GNA13: variants seen among roughly 807,000 people sequenced by gnomAD.
The protein encoded by GNA13 is G protein subunit alpha 13, also known as guanine nucleotide-binding protein subunit alpha-13.
Under a neutral mutation model 33.5 loss-of-function variants are expected in GNA13, and 4 were observed. That is an observed-to-expected ratio of 0.12 (90% CI 0.06 to 0.27). The LOEUF is 0.27. Among genes scored for constraint, GNA13 ranks in the 10% least tolerant of loss-of-function variants. The probability of loss-of-function intolerance (pLI) is 1.00; values close to 1 mark genes in which losing one functional copy is unlikely to be tolerated. For synonymous variants in GNA13, 176 were observed against 183.8 expected, an observed-to-expected ratio of 0.96 and a Z score of 0.34; for missense variants, 319 against 487.2, an observed-to-expected ratio of 0.65 and a Z score of 3.25.
chr17:65,033,980 T>C (rs1160186543), intron 2 of GNA13, among the ~76,000 whole-genome samples: 1 of 111,066 alleles, frequency 9.0e-6, no homozygotes, highest in Non-Finnish European at 1.6e-5. Flanking sequence ...CCTGCTACAC[T>C]CCAGCCTGGG....
chr17:65,054,471 G>T (rs1907961917), intron 1 of GNA13, among the ~76,000 whole-genome samples: 1 of 152,100 alleles, frequency 6.6e-6, no homozygotes, highest in Admixed American at 6.5e-5. Context: ...AACGGGTGGG[G>T]TTTTTTTGTT....
chr17:65,014,323 G>A lies in GNA13; in HGVS notation c.1068C>T (p.Arg356=). Residue 356 remains arginine (R), a synonymous_variant, in exon 4 of 4, where the codon CGC becomes CGT. Coordinates refer to ENST00000439174, the MANE Select transcript of GNA13 (RefSeq NM_006572.6). This position sits in a 1 kb window ranked among gnomAD's most constrained non-coding sequence, Gnocchi z 5.3. ...TATCCTTCACGTCACGGAAAACAAG[G>A]CGGATGTTCTCCGTGTTGATAGCAG... is the stretch of plus-strand genomic sequence containing the variant. ...FTTAINTENI[R]LVFRDVKDTI... 2 of 1,613,580 alleles carry A rather than the reference G, an allele frequency of 1.2e-6. No homozygotes were observed. Among genetic ancestry groups the A allele is most frequent in the African/African-American group, 1.3e-5 (1 of 75,024 alleles).
intron 2 of GNA13, among the ~76,000 whole-genome samples, chr17:65,027,595 T>C (rs1567820289): frequency 6.6e-6 from 1 of 152,232 alleles, no homozygotes; most frequent in Non-Finnish European, 1.5e-5. Flanking sequence ...GTATTGTTCC[T>C]GGGGACAGTT....
intron 2 of GNA13, among the ~76,000 whole-genome samples, chr17:65,030,565 A>G (rs1906965233): frequency 6.6e-6 from 1 of 152,254 alleles, no homozygotes; most frequent in African/African-American, 2.4e-5. Context: ...GCTATTCAAA[A>G]GTTTGTTTGC....
Position 65,014,472 on chromosome 17 carries a change from CTT to C in GNA13, c.917_918del (p.Lys306ArgfsTer7). ...TCCCCTTCAAATTCTAGGAAATAGT[CTT>C]TGATGCTCACAATTTGCACCTTCTC... ...LEEKVQIVSI[K>X]DYFLEFEGDP... On this transcript the variant is annotated frameshift_variant, in exon 4 of 4. Coordinates refer to ENST00000439174, the MANE Select transcript of GNA13 (RefSeq NM_006572.6). LOFTEE classifies it high-confidence loss of function. The surrounding 1 kb of genome is among the most constrained non-coding windows in gnomAD (Gnocchi z 5.3). 6.2e-7 allele frequency: 1 copy of C among 1,613,588 alleles called. No individual in the cohort carries two copies. The highest frequency in any genetic ancestry group is 8.5e-7 in the Non-Finnish European group (1 of 1,179,502).
intron 1 of GNA13, among the ~76,000 whole-genome samples, chr17:65,055,221 T>G (rs1427338943): frequency 2.6e-5 from 4 of 152,182 alleles, no homozygotes; most frequent in African/African-American, 9.7e-5. Context: ...CACCTAAATT[T>G]TGCCAAAATG....
intron 3 of GNA13, among the ~76,000 whole-genome samples, chr17:65,016,359 T>G (rs1906367509): frequency 6.6e-6 from 1 of 152,284 alleles, no homozygotes; most frequent in South Asian, 2.1e-4. Context: ...ATTAAGAATA[T>G]ATATATATAC....
rs113120885 is a variant in GNA13, at chr17:65,038,154, C to T, written c.510+15348G>A. 2.5e-3 allele frequency among the ~76,000 whole-genome samples: 375 copies of T among 152,258 alleles called. 1 individual carries two copies. Among genetic ancestry groups the T allele is most frequent in the African/African-American group, 8.1e-3 (336 of 41,548 alleles). The stretch of plus-strand genomic sequence containing the variant: ...GTGCAGTGGCTCATGCCTGTAATCC[C>T]AGCACTTTGGGAGGCCGAGGCAGAC... On this transcript the variant is annotated intron_variant, in intron 2 of 3. Transcript: ENST00000439174.
chr17:65,031,404 TG>T (rs1424855511), intron 2 of GNA13, among the ~76,000 whole-genome samples: 1 of 152,246 alleles, frequency 6.6e-6, no homozygotes, highest in East Asian at 1.9e-4. Context: ...TGTAAATGTC[TG>T]TGTTCTAAAA....
intron 2 of GNA13, among the ~76,000 whole-genome samples, chr17:65,025,118 G>A (rs1057123695): frequency 2.6e-5 from 4 of 151,966 alleles, no homozygotes; most frequent in Non-Finnish European, 4.4e-5. Context: ...GGGTGGTCTC[G>A]AACTCCTGGA....
chr17:65,018,970 G>C (rs1362111225), intron 2 of GNA13, among the ~76,000 whole-genome samples: 1 of 152,172 alleles, frequency 6.6e-6, no homozygotes, highest in Non-Finnish European at 1.5e-5. Flanking sequence ...AGCACACAGA[G>C]AAGAGGGGAA....
rs573793130 is a variant in GNA13, at chr17:65,012,326, T to C, written c.*1931A>G. 5.4e-5 allele frequency: 12 copies of C among 223,710 alleles called. No homozygotes were observed. The highest frequency in any genetic ancestry group is 8.0e-5 in the Non-Finnish European group (9 of 112,256). The allele number at this position is 223,710 out of a possible 1,614,324, so 13.9% of individuals were successfully genotyped here. ...ATGTATGGGTAAACTCTCCAATGAATAGTCCAAATGTTACTGTGCACATAT... is the reference window on the plus strand; with the variant it reads ...ATGTATGGGTAAACTCTCCAATGAACAGTCCAAATGTTACTGTGCACATAT... On this transcript the variant is annotated 3_prime_UTR_variant, in exon 4 of 4. Transcript: ENST00000439174.
chr17:65,049,830 T>G (rs1907799218), intron 2 of GNA13, among the ~76,000 whole-genome samples: 2 of 152,196 alleles, frequency 1.3e-5, no homozygotes, highest in African/African-American at 4.8e-5. Flanking sequence ...GCTTGTTTGT[T>G]TTAACAAGCA....
chr17:65,018,432 C>G (rs1233726243), intron 2 of GNA13, 129 bp from the exon 3 acceptor site: 3 of 656,750 alleles, frequency 4.6e-6, no homozygotes, highest in South Asian at 3.6e-5. Context: ...CAATTTCAGA[C>G]AGCTAACCTT....
chr17:65,043,261 T>G (rs888349413), intron 2 of GNA13, among the ~76,000 whole-genome samples: 1 of 150,210 alleles, frequency 6.7e-6, no homozygotes, highest in African/African-American at 2.5e-5. Flanking sequence ...TTGCAATATA[T>G]ACAATCATTA....
intron 2 of GNA13, among the ~76,000 whole-genome samples, chr17:65,031,921 A>AGAGAGAGAGAGTGTGTGT (rs770161529): frequency 9.8e-5 from 9 of 91,702 alleles, no homozygotes; most frequent in South Asian, 3.2e-4. Flanking sequence ...AGAGAGAGAG[A>AGAGAGAGAGAGTGTGTGT]GTGTGTGTGT....
intron 2 of GNA13, among the ~76,000 whole-genome samples, chr17:65,028,204 T>C (rs1598485776): frequency 1.3e-5 from 2 of 151,788 alleles, no homozygotes; most frequent in Admixed American, 6.6e-5. Flanking sequence ...CCAGCCTGGG[T>C]GACAGAGCGA....
chr17:65,018,541 T>A, intron 2 of GNA13, among the ~76,000 whole-genome samples: 1 of 152,170 alleles, frequency 6.6e-6, no homozygotes, highest in East Asian at 1.9e-4. Context: ...TCCCAAGTGA[T>A]CATCTGCTTG....
At chr17:65,032,349 T>A (rs1261858248) in intron 2 of GNA13, among the ~76,000 whole-genome samples, 2 of 152,282 alleles carry the variant, frequency 1.3e-5, no homozygotes, top group African/African-American at 2.4e-5. Context: ...AAATATGAAA[T>A]ATACCATGAG....
Sources: allele counts gnomAD v4.1 joint callset (sites outside exome capture counted in the v4.1 genomes callset), GRCh38; gene constraint gnomAD v4.1.1; non-coding constraint Gnocchi (gnomAD v3.1); transcripts MANE v1.5; gene names NCBI Gene and HGNC (gene_info 2026-07-23, HGNC 2026-07-21).